The following AFG2A variants were observed in gnomAD, a reference collection of about 807,000 sequenced individuals.
The protein encoded by AFG2A is AAA ATPase AFG2A.
the AFG2A span, among the ~76,000 whole-genome samples, chr4:123,100,118 C>T: frequency 6.6e-6 from 1 of 151,824 alleles, no homozygotes; most frequent in African/African-American, 2.4e-5. Context: ...CTAGATGACC[C>T]ATCTGATACA....
the AFG2A span, among the ~76,000 whole-genome samples, chr4:122,923,458 T>C: frequency 2.6e-5 from 4 of 152,284 alleles, no homozygotes; most frequent in East Asian, 7.7e-4. Context: ...CTTCTGTATG[T>C]AAGAAGCATG....
the AFG2A span, among the ~76,000 whole-genome samples, chr4:123,035,154 C>A: frequency 6.6e-6 from 1 of 152,096 alleles, no homozygotes; most frequent in Non-Finnish European, 1.5e-5. Context: ...AAACCCAGAC[C>A]CCAACACTAT....
At chr4:123,195,246 C>T in the AFG2A span, among the ~76,000 whole-genome samples, 1 of 152,200 alleles carries the variant, frequency 6.6e-6, no homozygotes, top group Non-Finnish European at 1.5e-5. Context: ...GTTGTCCATA[C>T]TATCCACGCT....
chr4:123,137,669 G>A, the AFG2A span, among the ~76,000 whole-genome samples: 1 of 152,076 alleles, frequency 6.6e-6, no homozygotes, highest in Admixed American at 6.5e-5. Context: ...TTAAAGTTGT[G>A]TTTATACCAT....
chr4:122,956,299 CATT>C, the AFG2A span, among the ~76,000 whole-genome samples: 1 of 152,120 alleles, frequency 6.6e-6, no homozygotes, highest in Non-Finnish European at 1.5e-5. Context: ...AAAAGGAAAA[CATT>C]ATTTGATTGA....
the AFG2A span, among the ~76,000 whole-genome samples, chr4:123,262,909 G>C: frequency 6.6e-6 from 1 of 152,164 alleles, no homozygotes; most frequent in Non-Finnish European, 1.5e-5. Context: ...ATGATACCCA[G>C]AAGAATTTTT....
the AFG2A span, among the ~76,000 whole-genome samples, chr4:123,013,182 GA>G: frequency 6.6e-6 from 1 of 152,090 alleles, no homozygotes; most frequent in African/African-American, 2.4e-5. Context: ...GGGAGCTTTT[GA>G]GCCAGGATGA....
At chr4:123,153,097 A>G in the AFG2A span, among the ~76,000 whole-genome samples, 3 of 152,296 alleles carry the variant, frequency 2.0e-5, no homozygotes, top group East Asian at 1.9e-4. Flanking sequence ...TCAGTGGGCA[A>G]TTGAGTCATG....
the AFG2A span, among the ~76,000 whole-genome samples, chr4:123,295,913 A>G: frequency 6.6e-5 from 10 of 152,232 alleles, no homozygotes; most frequent in Admixed American, 6.5e-5. Flanking sequence ...AAGCAAAACA[A>G]AACAAAAAAA....
the AFG2A span, among the ~76,000 whole-genome samples, chr4:123,184,751 T>A: frequency 6.6e-6 from 1 of 151,596 alleles, no homozygotes; most frequent in Non-Finnish European, 1.5e-5. Context: ...TTAGCCGGGA[T>A]GGTCTCGATC....
At chr4:123,120,848 C>T in the AFG2A span, among the ~76,000 whole-genome samples, 1 of 152,014 alleles carries the variant, frequency 6.6e-6, no homozygotes. Context: ...TTATGTATTA[C>T]CTATACTATA....
the AFG2A span, among the ~76,000 whole-genome samples, chr4:123,167,395 TG>T: frequency 6.6e-6 from 1 of 152,066 alleles, no homozygotes; most frequent in Non-Finnish European, 1.5e-5. Flanking sequence ...TTGCCCAGGC[TG>T]GAGTGCAGTG....
the AFG2A span, among the ~76,000 whole-genome samples, chr4:123,164,608 C>CA: frequency 9.2e-5 from 14 of 151,890 alleles, no homozygotes; most frequent in Non-Finnish European, 1.8e-4. Context: ...CTATGTCTAG[C>CA]AAAAAATGTA....
chr4:123,105,096 G>A, the AFG2A span, among the ~76,000 whole-genome samples: 1 of 152,182 alleles, frequency 6.6e-6, no homozygotes, highest in Non-Finnish European at 1.5e-5. Context: ...ACGCTTCAAA[G>A]GATAGGGTGA....
the AFG2A span, among the ~76,000 whole-genome samples, chr4:123,186,774 C>G: frequency 6.6e-6 from 1 of 151,930 alleles, no homozygotes; most frequent in Non-Finnish European, 1.5e-5. Flanking sequence ...CAGTGTAAAG[C>G]TGGCGGGTGG....
the AFG2A span, among the ~76,000 whole-genome samples, chr4:123,282,643 G>T: frequency 6.6e-6 from 1 of 152,024 alleles, no homozygotes; most frequent in Non-Finnish European, 1.5e-5. Flanking sequence ...GATCAGCAAG[G>T]TCACACAGCC....
the AFG2A span, among the ~76,000 whole-genome samples, chr4:123,071,234 A>G: frequency 1.3e-5 from 2 of 152,166 alleles, no homozygotes; most frequent in Non-Finnish European, 2.9e-5. Context: ...TAATCCCAGC[A>G]CTTTGGGAGG....
At chr4:123,023,217 A>G in the AFG2A span, among the ~76,000 whole-genome samples, 40 of 151,728 alleles carry the variant, frequency 2.6e-4, no homozygotes, top group South Asian at 6.3e-3. Flanking sequence ...AAAAGGAAGG[A>G]AAAAAAAGGG....
the AFG2A span, among the ~76,000 whole-genome samples, chr4:123,277,139 T>A: frequency 2.6e-5 from 4 of 152,150 alleles, no homozygotes; most frequent in African/African-American, 9.7e-5. Context: ...TATTTTTGTG[T>A]CATCTTTGAT....
Sources: gnomAD v4.1 joint callset for allele counts (sites outside exome capture counted in the v4.1 genomes callset) on GRCh38, gnomAD v4.1.1 for gene constraint, MANE v1.5 for transcripts, NCBI Gene and HGNC (gene_info 2026-07-23, HGNC 2026-07-21) for gene names.